ARFGEF2: variants seen among roughly 807,000 people sequenced by gnomAD.
ARFGEF2 encodes brefeldin A-inhibited guanine nucleotide-exchange protein 2.
ARFGEF2 carries 74 observed loss-of-function variants against 219.9 expected under a neutral mutation model. The ratio of observed to expected loss-of-function variants is 0.34; its 90% CI spans 0.28 to 0.41. The LOEUF (loss-of-function observed/expected upper bound fraction) is 0.41. Among genes scored for constraint, ARFGEF2 ranks in the 10% least tolerant of loss-of-function variants. The pLI, the probability that ARFGEF2 is intolerant of heterozygous loss-of-function variation, is 1.00. For missense variants in ARFGEF2, 1,743 were observed against 2,218.3 expected (o/e 0.79, Z 4.30); for synonymous variants, 733 against 799.2 (o/e 0.92, Z 1.40).
chr20:48,957,811 G>C (rs143325829), intron 6 of ARFGEF2, among the ~76,000 whole-genome samples: 17 of 152,058 alleles, frequency 1.1e-4, no homozygotes, highest in African/African-American at 4.1e-4. Context: ...GCTGGTATTC[G>C]GGCTTTCTGA....
At chr20:49,008,990 G>C (rs932363263) in intron 26 of ARFGEF2, among the ~76,000 whole-genome samples, 3 of 152,170 alleles carry the variant, frequency 2.0e-5, no homozygotes, top group Non-Finnish European at 4.4e-5. Context: ...TTACAGGTGT[G>C]AACCACCATG....
intron 11 of ARFGEF2, 109 bp from the exon 12 acceptor site, chr20:48,973,036 C>T: frequency 1.6e-6 from 2 of 1,253,828 alleles, no homozygotes; most frequent in Non-Finnish European, 2.3e-6. Context: ...GATGTGGCCA[C>T]CGGAGTCTGT....
At chr20:48,985,647 CTGTT>C in intron 16 of ARFGEF2, 34 bp downstream of exon 16, 1 of 1,604,576 alleles carries the variant, frequency 6.2e-7, no homozygotes, top group Non-Finnish European at 8.5e-7. Context: ...TCCAGATCAT[CTGTT>C]TGCCTGCCTC....
At chr20:48,970,272 G>A (rs894204705) in intron 9 of ARFGEF2, among the ~76,000 whole-genome samples, 10 of 148,108 alleles carry the variant, frequency 6.8e-5, no homozygotes, top group African/African-American at 2.5e-4. Flanking sequence ...CTGAGATCGT[G>A]TCACTGAACT....
chr20:48,990,696 T>C (rs1302638222), intron 20 of ARFGEF2, among the ~76,000 whole-genome samples: 2 of 152,332 alleles, frequency 1.3e-5, no homozygotes, highest in East Asian at 3.9e-4. Flanking sequence ...ATTTGTAAAC[T>C]TGAGAAAACA....
chr20:49,029,096 C>T (rs1367190587), intron 37 of ARFGEF2, among the ~76,000 whole-genome samples: 2 of 152,168 alleles, frequency 1.3e-5, no homozygotes, highest in Non-Finnish European at 2.9e-5. Flanking sequence ...TAATTGAAAT[C>T]ATATAACCAG....
At chr20:48,969,771 C>A (rs746342290) in intron 9 of ARFGEF2, among the ~76,000 whole-genome samples, 15 of 152,166 alleles carry the variant, frequency 9.9e-5, no homozygotes, top group Non-Finnish European at 2.1e-4. Context: ...GGCTTCAGAG[C>A]CAGAGAGAGC....
Position 49,010,195 on chromosome 20 carries a change from A to G in ARFGEF2, c.3585-37A>G, listed in dbSNP as rs7352453. The stretch of plus-strand genomic sequence containing the variant: ...TGTTCATTTCTCTTCCCATTCTCCA[A>G]AGTACAGACGATATGGCCGTCCCAT... On this transcript the variant is annotated intron_variant, in intron 26 of 38. Coordinates refer to ENST00000371917, the MANE Select transcript of ARFGEF2 (RefSeq NM_006420.3). 34 of 1,600,862 alleles carry G rather than the reference A, an allele frequency of 2.1e-5. No homozygotes were observed. The African/African-American group carries it at 3.6e-4, about 17-fold the overall frequency.
At chr20:48,939,661 T>C (rs1290289437) in intron 1 of ARFGEF2, among the ~76,000 whole-genome samples, 1 of 152,246 alleles carries the variant, frequency 6.6e-6, no homozygotes, top group East Asian at 1.9e-4. Flanking sequence ...ACAACCCTTA[T>C]GGTCCATGAG....
rs2091593980 is a variant in ARFGEF2 at position 49,025,169 on chromosome 20, A to G, written c.4756-144A>G. 4.6e-6 allele frequency: 4 copies of G among 866,830 alleles called. No homozygotes were observed. The East Asian group carries it at 1.1e-4, about 24-fold the overall frequency. The allele number at this position is 866,830 out of a possible 1,614,324, so 53.7% of individuals were successfully genotyped here. On this transcript the variant is annotated intron_variant, in intron 35 of 38. Transcript: ENST00000371917. ...AGCCAGTGAGCAGAGTCTAAATGGAAATGTTTCAGGGTGTTGGGGAATAAG... is the reference window on the plus strand; with the variant it reads ...AGCCAGTGAGCAGAGTCTAAATGGAGATGTTTCAGGGTGTTGGGGAATAAG...
chr20:48,936,531 CTT>C (rs988003107), intron 1 of ARFGEF2, among the ~76,000 whole-genome samples: 1 of 148,514 alleles, frequency 6.7e-6, no homozygotes, highest in Non-Finnish European at 1.5e-5. Flanking sequence ...TCACTTCTCT[CTT>C]TTTTTTTTGA....
chr20:48,996,000 A>G, intron 23 of ARFGEF2, 118 bp downstream of exon 23: 6 of 938,076 alleles, frequency 6.4e-6, no homozygotes, highest in East Asian at 4.9e-5. Context: ...GTTAGCTACA[A>G]ATTGCTTAAG....
At chr20:48,967,115 G>T (rs1404228977) in intron 8 of ARFGEF2, among the ~76,000 whole-genome samples, 2 of 152,104 alleles carry the variant, frequency 1.3e-5, no homozygotes, top group Non-Finnish European at 2.9e-5. Context: ...CAAAGTGCTG[G>T]GTTTACAGGC....
intron 1 of ARFGEF2, among the ~76,000 whole-genome samples, chr20:48,939,424 A>G (rs905384610): frequency 6.6e-6 from 1 of 152,044 alleles, no homozygotes; most frequent in South Asian, 2.1e-4. Context: ...GAGTTTGGGC[A>G]GCAGCACCCC....
At chr20:48,931,736 C>A (rs568412066) in intron 1 of ARFGEF2, among the ~76,000 whole-genome samples, 1 of 152,238 alleles carries the variant, frequency 6.6e-6, no homozygotes, top group South Asian at 2.1e-4. Context: ...CAGAAATGTG[C>A]TTGGTGTGTT....
At chr20:48,961,433 C>T (rs979590331) in intron 6 of ARFGEF2, among the ~76,000 whole-genome samples, 2 of 151,954 alleles carry the variant, frequency 1.3e-5, no homozygotes, top group Non-Finnish European at 2.9e-5. Context: ...GGAAGGTCTT[C>T]AGGGGCAATA....
rs769880911 is a variant in ARFGEF2 at position 48,966,008 on chromosome 20, G to T, written c.1044G>T (p.Ser348=). 1.2e-6 allele frequency: 2 copies of T among 1,613,908 alleles called. No individual in the cohort carries two copies. Among genetic ancestry groups the T allele is most frequent in the African/African-American group, 1.3e-5 (1 of 74,902 alleles). The change falls in exon 8 of 39, where the codon TCG becomes TCT. Residue 348 remains serine, a synonymous_variant. Coordinates refer to ENST00000371917, the MANE Select transcript of ARFGEF2 (RefSeq NM_006420.3). Reference sequence around the variant, plus strand: ...TAGCCGATGACAGGCAGTCCTTGTCGTCAGCAGATAATCTGGTATGTTGGT... The same window carrying T: ...TAGCCGATGACAGGCAGTCCTTGTCTTCAGCAGATAATCTGGTATGTTGGT... The part of the protein sequence containing the change: ...NGIADDRQSL[S]SADNLESDAQ...
At chr20:48,969,100 A>G (rs1454209645) in intron 8 of ARFGEF2, 47 bp from the exon 9 acceptor site, 6 of 1,595,222 alleles carry the variant, frequency 3.8e-6, no homozygotes, top group Non-Finnish European at 5.1e-6. Context: ...AGCTGGGACT[A>G]CAGGTGGGTG....
chr20:48,939,109 G>C (rs373487184), intron 1 of ARFGEF2, among the ~76,000 whole-genome samples: 8 of 151,912 alleles, frequency 5.3e-5, no homozygotes, highest in African/African-American at 1.9e-4. Context: ...TGAGTAGCTG[G>C]GGTTACAGGT....
Sources: allele counts gnomAD v4.1 joint callset (sites outside exome capture counted in the v4.1 genomes callset), GRCh38; gene constraint gnomAD v4.1.1; transcripts MANE v1.5; gene names NCBI Gene and HGNC (gene_info 2026-07-23, HGNC 2026-07-21).